The following RGL2 variants were observed in gnomAD, a reference collection of about 807,000 sequenced individuals.
RGL2 encodes ral guanine nucleotide dissociation stimulator-like 2.
Under a neutral mutation model 84.6 loss-of-function variants are expected in RGL2, and 40 were observed. The ratio of observed to expected loss-of-function variants is 0.47; its 90% CI spans 0.37 to 0.62. The LOEUF is 0.62. Ranked by LOEUF, RGL2 falls within the 20% of genes least tolerant of loss-of-function variation. The probability of loss-of-function intolerance (pLI) is 0.00; values close to 1 mark genes in which losing one functional copy is unlikely to be tolerated. For missense variants in RGL2, 865 were observed against 1,019.7 expected (o/e 0.85, Z 2.07); for synonymous variants, 369 against 417.3 (o/e 0.88, Z 1.41).
In RGL2 at chr6:33,296,189, C is replaced by T. The variant is rs568324273; in HGVS notation, c.607G>A (p.Gly203Ser). The change falls in exon 6 of 18, where the codon GGC becomes AGC. Residue 203 changes from glycine to serine, a missense_variant. Physicochemically the swap from Gly to Ser is moderately conservative, Grantham distance 56. This residue lies in a region of RGL2 where 455 missense variants were observed against 507.8 expected (regional missense o/e 0.90). Coordinates refer to ENST00000497454, the MANE Select transcript of RGL2 (RefSeq NM_004761.5). The surrounding 1 kb of genome is among the most constrained non-coding windows in gnomAD (Gnocchi z 5.0). The part of the protein sequence containing the change: ...GYAAGKGVGG[G>S]SADLIRNLRS... ...AGATTGCGGATGAGGTCAGCGCTGCCCCCCCCAACACCCTTCCCTGCTGCA... is the reference window on the plus strand; with the variant it reads ...AGATTGCGGATGAGGTCAGCGCTGCTCCCCCCAACACCCTTCCCTGCTGCA... 37 of 1,613,760 alleles carry T rather than the reference C, an allele frequency of 2.3e-5. No individual in the cohort carries two copies. The highest frequency in any genetic ancestry group is 3.1e-5 in the Non-Finnish European group (37 of 1,179,918).
rs1767747892 is a variant in RGL2, at chr6:33,294,571, T to C, written c.1353+117A>G. 6.5e-6 allele frequency: 7 copies of C among 1,077,048 alleles called. No homozygotes were observed. Among genetic ancestry groups the C allele is most frequent in the East Asian group, 2.5e-5 (1 of 40,066 alleles). 66.7% of individuals were successfully genotyped at this position (1,077,048 alleles called of 1,614,324 possible). On this transcript the variant is annotated intron_variant, in intron 11 of 17. Coordinates refer to ENST00000497454, the MANE Select transcript of RGL2 (RefSeq NM_004761.5). The surrounding 1 kb of genome is among the most constrained non-coding windows in gnomAD (Gnocchi z 5.0). The stretch of plus-strand genomic sequence containing the variant: ...GACTTGGCACAGAAACAGATCTGGC[T>C]CTGTCCCACACTCAGCTATTTGTGC...
rs763312212 is a variant in RGL2 at position 33,296,095 on chromosome 6, G to A, written c.701C>T (p.Ala234Val). The A allele has an allele frequency of 6.2e-7, 1 of 1,613,928 alleles. No homozygotes were observed. Among genetic ancestry groups the A allele is most frequent in the Non-Finnish European group, 8.5e-7 (1 of 1,180,022 alleles). ...KPLALPGDPPADPTDVLVFLA... is the reference protein window; with the variant it reads ...KPLALPGDPPVDPTDVLVFLA... The stretch of plus-strand genomic sequence containing the variant: ...GAACACCAGGACATCCGTGGGGTCA[G>A]CAGGGGGATCGCCGGGGAGGGCCAG... Residue 234 changes from alanine to valine, a missense_variant, in exon 6 of 18, where the codon GCT becomes GTT. Coordinates refer to ENST00000497454, the MANE Select transcript of RGL2 (RefSeq NM_004761.5). This position sits in a 1 kb window ranked among gnomAD's most constrained non-coding sequence, Gnocchi z 5.0.
chr6:33,295,817 A>G lies in RGL2; in HGVS notation c.769-58T>C. The G allele has an allele frequency of 2.5e-6, 4 of 1,568,664 alleles. No homozygotes were observed. The highest frequency in any genetic ancestry group is 3.5e-6 in the Non-Finnish European group (4 of 1,149,636). On this transcript the variant is annotated intron_variant, in intron 6 of 17. Coordinates refer to ENST00000497454, the MANE Select transcript of RGL2 (RefSeq NM_004761.5). The surrounding 1 kb of genome is among the most constrained non-coding windows in gnomAD (Gnocchi z 7.2). ...AGTCAAGTGAGGTCAGCCTTCCAAT[A>G]TCAGGGATCTGAGGATCTCAGGTGG...
chr6:33,292,708 A>G (rs185306315), intron 16 of RGL2, among the ~76,000 whole-genome samples, 164 bp from the exon 17 acceptor site: 54 of 152,318 alleles, frequency 3.5e-4, no homozygotes, highest in Admixed American at 3.2e-3. Flanking sequence ...GCCAGCCCAC[A>G]TGGTGCCCAG....
In RGL2 at chr6:33,293,478, G is replaced by A. The variant is rs1767634001; in HGVS notation, c.1651C>T (p.Arg551Trp). 6.2e-6 allele frequency: 10 copies of A among 1,613,978 alleles called. No individual in the cohort carries two copies. The highest frequency in any genetic ancestry group is 4.4e-5 in the South Asian group (4 of 91,084). The change falls in exon 15 of 18, where the codon CGG (arginine) becomes TGG (tryptophan). Residue 551 changes from arginine (R) to tryptophan (W), a missense_variant. Transcript: ENST00000497454. The surrounding 1 kb of genome is among the most constrained non-coding windows in gnomAD (Gnocchi z 7.0). The stretch of plus-strand genomic sequence containing the variant: ...GCCTCATCTCCCCCAGTACTGGGCC[G>A]GTCACAGGACACAAGCGGGGTAGGG... ...GVPTPLVSCD[R>W]PSTGGDEAPT...
At position 33,298,440 on chromosome 6, in the gene RGL2, C is replaced by A; in HGVS notation, c.156+15G>T. On this transcript the variant is annotated intron_variant, in intron 2 of 17. Coordinates refer to ENST00000497454, the MANE Select transcript of RGL2 (RefSeq NM_004761.5). This position sits in a 1 kb window ranked among gnomAD's most constrained non-coding sequence, Gnocchi z 4.8. Reference sequence around the variant, plus strand: ...AAATACATACGCCCCCTACCTCCCACCACCCGCGTCTCACCTCTTCTTCTT... The same window carrying A: ...AAATACATACGCCCCCTACCTCCCAACACCCGCGTCTCACCTCTTCTTCTT... 7.1e-7 allele frequency: 1 copy of A among 1,408,808 alleles called. No individual in the cohort carries two copies. Among genetic ancestry groups the A allele is most frequent in the Non-Finnish European group, 9.7e-7 (1 of 1,029,424 alleles). 87.3% of individuals were successfully genotyped at this position (1,408,808 alleles called of 1,614,324 possible). A position where few individuals can be genotyped will look rare whatever the true frequency, so the allele number is the denominator to read the frequency against.
Position 33,291,869 on chromosome 6 carries a change from A to T in RGL2, c.*233T>A, listed in dbSNP as rs1459744176. The T allele has an allele frequency of 3.3e-6, 2 of 602,390 alleles. No individual in the cohort carries two copies. The highest frequency in any genetic ancestry group is 2.0e-5 in the South Asian group (1 of 50,304). The allele number at this position is 602,390 out of a possible 1,614,324, so 37.3% of individuals were successfully genotyped here. On this transcript the variant is annotated 3_prime_UTR_variant, in exon 18 of 18. Coordinates refer to ENST00000497454, the MANE Select transcript of RGL2 (RefSeq NM_004761.5). The stretch of plus-strand genomic sequence containing the variant: ...TTTTCCAGCACTACCTGTGTGCTGC[A>T]CTCATGGAAGGTGGGAAGCTATACA...
In RGL2 at chr6:33,293,546, A is replaced by AGGAT; in HGVS notation, c.1605-26_1605-23dup. The AGGAT allele has an allele frequency of 4.3e-6, 7 of 1,612,746 alleles. No individual in the cohort carries two copies. The highest frequency in any genetic ancestry group is 5.9e-6 in the Non-Finnish European group (7 of 1,179,188). On this transcript the variant is annotated intron_variant, in intron 14 of 17. Coordinates refer to ENST00000497454, the MANE Select transcript of RGL2 (RefSeq NM_004761.5). This position sits in a 1 kb window ranked among gnomAD's most constrained non-coding sequence, Gnocchi z 7.0. ...AACCCTGCAGTGGCAGGAGATTGGG[A>AGGAT]GGATCAGAGAAAAGTGGAAGTCCCA...
chr6:33,294,623 G>A lies in RGL2; in HGVS notation c.1353+65C>T. 2.5e-6 allele frequency: 4 copies of A among 1,569,890 alleles called. No homozygotes were observed. The highest frequency in any genetic ancestry group is 3.5e-6 in the Non-Finnish European group (4 of 1,144,242). ...TTACAGCCCCTTGCAAGGGGCGGGG[G>A]GGTCTGTCCGACCCTGCAGCCCACT... On this transcript the variant is annotated intron_variant, in intron 11 of 17. Coordinates refer to ENST00000497454, the MANE Select transcript of RGL2 (RefSeq NM_004761.5). This position sits in a 1 kb window ranked among gnomAD's most constrained non-coding sequence, Gnocchi z 5.0.
In RGL2 at chr6:33,297,490, C is replaced by A; in HGVS notation, c.157-375G>T. 1 of 237,948 alleles carries A rather than the reference C, an allele frequency of 4.2e-6. No homozygotes were observed. The allele number at this position is 237,948 out of a possible 1,614,324, so 14.7% of individuals were successfully genotyped here. On this transcript the variant is annotated intron_variant, in intron 2 of 17. Transcript: ENST00000497454. The surrounding 1 kb of genome is among the most constrained non-coding windows in gnomAD (Gnocchi z 4.0). ...GCGAGAGGCAGCAAGCCAGAGGCAG[C>A]GACTAGGGGTAGCTGAAACCTCAGT...
Position 33,295,200 on chromosome 6 carries a change from C to G in RGL2, c.1136G>C (p.Arg379Thr), listed in dbSNP as rs1767824362. The G allele has an allele frequency of 6.2e-7, 1 of 1,603,204 alleles. No individual in the cohort carries two copies. The highest frequency in any genetic ancestry group is 1.3e-5 in the African/African-American group (1 of 74,894). ...AWGEATRDSLRVFSSLCQIFS... is the reference protein window; with the variant it reads ...AWGEATRDSLTVFSSLCQIFS... The stretch of plus-strand genomic sequence containing the variant: ...AATCTGGCAGAGGCTGGAAAAGACT[C>G]TGAGGCTGTCCCTGGGGAAGGGAGA... Residue 379 changes from arginine to threonine, a missense_variant, in exon 9 of 18, where the codon AGA becomes ACA. Transcript: ENST00000497454. The surrounding 1 kb of genome is among the most constrained non-coding windows in gnomAD (Gnocchi z 7.2).
rs147052044 is a variant in RGL2 at position 33,296,194 on chromosome 6, C to G, written c.602G>C (p.Gly201Ala). 2.3e-4 allele frequency: 374 copies of G among 1,613,940 alleles called. 1 individual carries two copies. Among genetic ancestry groups the G allele is most frequent in the Non-Finnish European group, 2.0e-4 (232 of 1,179,900 alleles). Residue 201 changes from glycine (G) to alanine (A), a missense_variant, in exon 6 of 18, where the codon GGG (glycine) becomes GCG (alanine). Transcript: ENST00000497454. This position sits in a 1 kb window ranked among gnomAD's most constrained non-coding sequence, Gnocchi z 5.0. Reference sequence around the variant, plus strand: ...GCGGATGAGGTCAGCGCTGCCCCCCCCAACACCCTTCCCTGCTGCATACCC... The same window carrying G: ...GCGGATGAGGTCAGCGCTGCCCCCCGCAACACCCTTCCCTGCTGCATACCC... ...QTGYAAGKGV[G>A]GGSADLIRNL... is the part of the protein sequence containing the mutation.
Position 33,291,782 on chromosome 6 carries a change from CT to C in RGL2, c.*319del. ...TCCCCTCTGCCCTGGGGCTCAGAGC[CT>C]TGAAGCCTTTGCTTGGCCCTTGCAT... On this transcript the variant is annotated 3_prime_UTR_variant, in exon 18 of 18. Coordinates refer to ENST00000497454, the MANE Select transcript of RGL2 (RefSeq NM_004761.5). 1 of 529,396 alleles carries C rather than the reference CT, an allele frequency of 1.9e-6. No homozygotes were observed. Among genetic ancestry groups the C allele is most frequent in the Non-Finnish European group, 3.4e-6 (1 of 297,524 alleles). The allele number at this position is 529,396 out of a possible 1,614,324, so 32.8% of individuals were successfully genotyped here.
chr6:33,295,977 A>C lies in RGL2; in HGVS notation c.768+51T>G. ...GCAAGGAAAGGATCTGGAGTCAAGG[A>C]GAGGTTAGTAAGGGGTCAGGGGGCA... On this transcript the variant is annotated intron_variant, in intron 6 of 17. Coordinates refer to ENST00000497454, the MANE Select transcript of RGL2 (RefSeq NM_004761.5). This position sits in a 1 kb window ranked among gnomAD's most constrained non-coding sequence, Gnocchi z 7.2. The C allele has an allele frequency of 6.3e-7, 1 of 1,599,720 alleles. No homozygotes were observed. The highest frequency in any genetic ancestry group is 1.1e-5 in the South Asian group (1 of 90,146).
At position 33,292,506 on chromosome 6, in the gene RGL2, A is replaced by G. The variant is rs778495159; in HGVS notation, c.2046T>C (p.Arg682=). Residue 682 remains arginine, a synonymous_variant, in exon 17 of 18, where the codon CGT becomes CGC. Transcript: ENST00000497454. ...SQDKAPSVIS[R]VLKKNNRDSA... is the part of the protein sequence containing the mutation. ...AGTCACGATTGTTTTTCTTAAGGAC[A>G]CGACTGATGACACTTGGAGCCTTGT... 7 of 1,614,140 alleles carry G rather than the reference A, an allele frequency of 4.3e-6. No individual in the cohort carries two copies. The South Asian group carries it at 7.7e-5, about 18-fold the overall frequency.
chr6:33,295,957 G>A lies in RGL2; in HGVS notation c.768+71C>T, dbSNP rs1767904437. 5 of 1,569,434 alleles carry A rather than the reference G, an allele frequency of 3.2e-6. No homozygotes were observed. Among genetic ancestry groups the A allele is most frequent in the Non-Finnish European group, 4.4e-6 (5 of 1,145,752 alleles). On this transcript the variant is annotated intron_variant, in intron 6 of 17. Coordinates refer to ENST00000497454, the MANE Select transcript of RGL2 (RefSeq NM_004761.5). This position sits in a 1 kb window ranked among gnomAD's most constrained non-coding sequence, Gnocchi z 7.2. ...TGGATCAGGAAGGGGTGGAAGCAAG[G>A]AAAGGATCTGGAGTCAAGGAGAGGT...
chr6:33,293,644 G>A lies in RGL2; in HGVS notation c.1564C>T (p.Arg522Trp), dbSNP rs892207416. The change falls in exon 14 of 18, where the codon CGG becomes TGG. Residue 522 changes from arginine (R) to tryptophan (W), a missense_variant. Physicochemically the swap from Arg to Trp is moderately radical, Grantham distance 101. Coordinates refer to ENST00000497454, the MANE Select transcript of RGL2 (RefSeq NM_004761.5). This position sits in a 1 kb window ranked among gnomAD's most constrained non-coding sequence, Gnocchi z 7.0. ...PPGSSDPPAP[R>W]VLRPTLVISQ... ...ATGACCAATGTTGGCCGAAGCACCCGTGGGGCAGGAGGGTCACTGGAACCA... is the reference window on the plus strand; with the variant it reads ...ATGACCAATGTTGGCCGAAGCACCCATGGGGCAGGAGGGTCACTGGAACCA... 5.0e-6 allele frequency: 8 copies of A among 1,614,030 alleles called. No homozygotes were observed. The highest frequency in any genetic ancestry group is 6.8e-6 in the Non-Finnish European group (8 of 1,180,038).
At position 33,293,951 on chromosome 6, in the gene RGL2, C is replaced by G; in HGVS notation, c.1387-35G>C. ...AGCCCTCAAACTGCAGGAGCCAAAA[C>G]TCAGGGACCCCTGACTTTTCCCCCT... On this transcript the variant is annotated intron_variant, in intron 12 of 17. Transcript: ENST00000497454. The surrounding 1 kb of genome is among the most constrained non-coding windows in gnomAD (Gnocchi z 7.0). 1.2e-6 allele frequency: 2 copies of G among 1,614,116 alleles called. No homozygotes were observed. The highest frequency in any genetic ancestry group is 2.2e-5 in the South Asian group (2 of 91,078).
In RGL2 at chr6:33,296,643, C is replaced by T. The variant is rs143806452; in HGVS notation, c.374G>A (p.Arg125Gln). The T allele has an allele frequency of 3.4e-5, 55 of 1,613,674 alleles. No individual in the cohort carries two copies. The highest frequency in any genetic ancestry group is 4.5e-5 in the East Asian group (2 of 44,888). ...CAAGGCAGGCGTGGAGGTGAAGGCC[C>T]GGTGGGTAGCCAGGAAGGCTGACAT... ...SFMSAFLATH[R>Q]AFTSTPALLG... The change falls in exon 4 of 18, where the codon CGG becomes CAG. Residue 125 changes from arginine to glutamine, a missense_variant. By Grantham distance (43) the Arg-to-Gln change is conservative. Coordinates refer to ENST00000497454, the MANE Select transcript of RGL2 (RefSeq NM_004761.5). This position sits in a 1 kb window ranked among gnomAD's most constrained non-coding sequence, Gnocchi z 5.0.
Sources: gnomAD v4.1 joint callset for allele counts (sites outside exome capture counted in the v4.1 genomes callset) on GRCh38, gnomAD v4.1.1 for gene constraint, gnomAD v4.1.1 regional missense constraint, Gnocchi (gnomAD v3.1) non-coding constraint, MANE v1.5 for transcripts, NCBI Gene and HGNC (gene_info 2026-07-23, HGNC 2026-07-21) for gene names.